Variants in TLK2 observed in about 807,000 individuals in gnomAD.
The protein encoded by TLK2 is serine/threonine-protein kinase tousled-like 2.
In TLK2, 6 loss-of-function variants were observed where a neutral mutation model predicts 117.3. That is an observed-to-expected ratio of 0.05 (90% confidence interval 0.03 to 0.10). TLK2 has a LOEUF of 0.10. TLK2 is among the 10% of genes least tolerant of loss of function. The pLI is 1.00. For missense variants in TLK2, 299 were observed against 901.2 expected (o/e 0.33, Z 8.56); for synonymous variants, 257 against 316.7 (o/e 0.81, Z 2.00).
upstream of TLK2, among the ~76,000 whole-genome samples, chr17:62,477,299 C>T (rs879292442): frequency 2.0e-5 from 3 of 152,130 alleles, no homozygotes; most frequent in African/African-American, 4.8e-5. Flanking sequence ...CCCCAACCCG[C>T]GAGCTGCTCT....
At chr17:62,483,627 A>G (rs1328615208) in intron 2 of TLK2, among the ~76,000 whole-genome samples, 1 of 150,596 alleles carries the variant, frequency 6.6e-6, no homozygotes, top group East Asian at 2.0e-4. Flanking sequence ...CTCAGCCTAT[A>G]GATAGCTGGG....
intron 21 of TLK2, among the ~76,000 whole-genome samples, chr17:62,611,391 A>G (rs931556429): frequency 1.3e-5 from 2 of 152,214 alleles, no homozygotes; most frequent in African/African-American, 4.8e-5. Flanking sequence ...AAAAATCAGT[A>G]GCTTGATTCA....
intron 2 of TLK2, among the ~76,000 whole-genome samples, chr17:62,505,663 C>G (rs1030928157): frequency 1.3e-5 from 2 of 151,776 alleles, no homozygotes; most frequent in Non-Finnish European, 2.9e-5. Flanking sequence ...TTTTTTGAGA[C>G]ATATTCTTGC....
chr17:62,505,351 C>T (rs2074580904), intron 2 of TLK2, among the ~76,000 whole-genome samples: 1 of 150,676 alleles, frequency 6.6e-6, no homozygotes, highest in Admixed American at 6.6e-5. Flanking sequence ...TTAAGTGATC[C>T]TCACAACTCA....
rs143001133 is a variant in TLK2, at chr17:62,566,370, A to G, written c.968+1233A>G. Among the ~76,000 whole-genome samples the G allele has an allele frequency of 6.9e-3, 1,050 of 152,336 alleles. 3 individuals are homozygous for G. The highest frequency in any genetic ancestry group is 0.011 in the Non-Finnish European group (722 of 68,022). ...GAAAATACAAATATTGATGCTATTTATAATATTTGTTAAAACTAACCTCTG... is the reference window on the plus strand; with the variant it reads ...GAAAATACAAATATTGATGCTATTTGTAATATTTGTTAAAACTAACCTCTG... On this transcript the variant is annotated intron_variant, in intron 11 of 21. Coordinates refer to ENST00000346027, the MANE Select transcript of TLK2 (RefSeq NM_006852.6).
At chr17:62,598,080 G>A (rs2082609426) in intron 17 of TLK2, among the ~76,000 whole-genome samples, 1 of 152,170 alleles carries the variant, frequency 6.6e-6, no homozygotes, top group African/African-American at 2.4e-5. Flanking sequence ...ATTCTCTCAG[G>A]GATTTCTTCT....
chr17:62,515,940 T>G (rs1269421994), intron 2 of TLK2, among the ~76,000 whole-genome samples: 18 of 152,150 alleles, frequency 1.2e-4, no homozygotes, highest in Non-Finnish European at 2.4e-4. Context: ...TTCTTCTTCT[T>G]TTTTTTGAGA....
chr17:62,478,712 C>T (rs1292065222), upstream of TLK2, among the ~76,000 whole-genome samples: 6 of 125,690 alleles, frequency 4.8e-5, no homozygotes, highest in Non-Finnish European at 1.7e-5. Context: ...CGTCCCCTCC[C>T]CCTGCTCCCC....
At chr17:62,519,133 C>T (rs2075850141) in intron 2 of TLK2, among the ~76,000 whole-genome samples, 2 of 152,188 alleles carry the variant, frequency 1.3e-5, no homozygotes, top group South Asian at 4.1e-4. Flanking sequence ...GATCCACCCA[C>T]CTTGGCCTCC....
At chr17:62,562,262 A>C (rs1376986524) in intron 10 of TLK2, among the ~76,000 whole-genome samples, 1 of 152,186 alleles carries the variant, frequency 6.6e-6, no homozygotes, top group Admixed American at 6.5e-5. Context: ...CTGGAGGCTG[A>C]GGCACGAGAA....
Position 62,546,063 on chromosome 17 carries a change from G to GT in TLK2, c.532-6238dup, listed in dbSNP as rs1215492333. 2.6e-5 allele frequency among the ~76,000 whole-genome samples: 4 copies of GT among 152,078 alleles called. No individual in the cohort carries two copies. The East Asian group carries it at 5.8e-4, about 22-fold the overall frequency. On this transcript the variant is annotated intron_variant, in intron 7 of 21. Transcript: ENST00000346027. ...TGCCTGGCTAATTTTTGTATCTTTA[G>GT]TAGAGACAGAGTTTCACCATGTTGG...
At position 62,587,063 on chromosome 17, in the gene TLK2, A is replaced by G. The variant is rs550102043; in HGVS notation, c.1460+837A>G. Among the ~76,000 whole-genome samples, 3 of 152,010 alleles carry G rather than the reference A, an allele frequency of 2.0e-5. No individual in the cohort carries two copies. In the East Asian group the frequency reaches 5.8e-4, roughly 29 times the overall value. On this transcript the variant is annotated intron_variant, in intron 16 of 21. Transcript: ENST00000346027. Reference sequence around the variant, plus strand: ...CCCACTTCTGTGCTTGCTTCTCTATAGAATAGTACTAGTGGCAGCCTTCAT... The same window carrying G: ...CCCACTTCTGTGCTTGCTTCTCTATGGAATAGTACTAGTGGCAGCCTTCAT...
At chr17:62,473,337 G>A (rs112536800) in intron 1 of TLK2, among the ~76,000 whole-genome samples, 3,763 of 152,272 alleles carry the variant, frequency 0.025, 69 homozygotes, top group Middle Eastern at 0.037. Context: ...AATGAATGGG[G>A]AGCAAATTGC....
chr17:62,504,227 C>T (rs1331747429), intron 2 of TLK2, among the ~76,000 whole-genome samples: 2 of 152,100 alleles, frequency 1.3e-5, no homozygotes, highest in Non-Finnish European at 2.9e-5. Flanking sequence ...TCATTGAGCA[C>T]CAACTATATT....
intron 14 of TLK2, among the ~76,000 whole-genome samples, chr17:62,579,786 C>T (rs2081075525): frequency 6.6e-6 from 1 of 152,102 alleles, no homozygotes; most frequent in Non-Finnish European, 1.5e-5. Flanking sequence ...AGCCAAATAG[C>T]ACAATCTAAA....
chr17:62,588,053 AAT>A (rs2081771871), intron 16 of TLK2, among the ~76,000 whole-genome samples: 1 of 137,102 alleles, frequency 7.3e-6, no homozygotes, highest in Non-Finnish European at 1.6e-5. Context: ...ATATGTATAA[AAT>A]ATACGTATAC....
Position 62,546,995 on chromosome 17 carries a change from TCTTTA to T in TLK2, c.532-5302_532-5298del. On this transcript the variant is annotated intron_variant, in intron 7 of 21. Transcript: ENST00000346027. The stretch of plus-strand genomic sequence containing the variant: ...ATTTTGTCAATTTGATTATTCATGT[TCTTTA>T]CTTTTTTAATTTTTGTAGCTACAGT... 1.3e-5 allele frequency among the ~76,000 whole-genome samples: 2 copies of T among 152,352 alleles called. 1 individual carries two copies. The highest frequency in any genetic ancestry group is 3.8e-4 in the East Asian group (2 of 5,196).
At chr17:62,480,219 A>G (rs1210723452) in intron 1 of TLK2, among the ~76,000 whole-genome samples, 5 of 152,358 alleles carry the variant, frequency 3.3e-5, no homozygotes, top group African/African-American at 1.2e-4. Flanking sequence ...AACCATTCCA[A>G]CTACTTAATA....
intron 12 of TLK2, among the ~76,000 whole-genome samples, chr17:62,575,382 C>T (rs1323737807): frequency 6.6e-6 from 1 of 152,128 alleles, no homozygotes; most frequent in Admixed American, 6.6e-5. Flanking sequence ...CTGTTTTTCG[C>T]TGGTGTGGAA....
Sources: allele counts gnomAD v4.1 joint callset (sites outside exome capture counted in the v4.1 genomes callset), GRCh38; gene constraint gnomAD v4.1.1; transcripts MANE v1.5; gene names NCBI Gene and HGNC (gene_info 2026-07-23, HGNC 2026-07-21).